Variants in EBF2 observed in about 807,000 individuals in gnomAD.
EBF2 encodes transcription factor COE2.
EBF2 carries 21 observed loss-of-function variants against 72.8 expected under a neutral mutation model. The observed-to-expected ratio is 0.29, with a 90% confidence interval of 0.20 to 0.42. EBF2 has a LOEUF of 0.42. EBF2 is among the 10% of genes least tolerant of loss of function. The pLI, the probability that EBF2 is intolerant of heterozygous loss-of-function variation, is 1.00. For synonymous variants in EBF2, 299 were observed against 274.2 expected (o/e 1.09, Z -0.89); for missense variants, 637 against 731.2 (o/e 0.87, Z 1.49).
At chr8:25,976,073 C>T (rs1205999262) in intron 6 of EBF2, among the ~76,000 whole-genome samples, 1 of 152,050 alleles carries the variant, frequency 6.6e-6, no homozygotes, top group Non-Finnish European at 1.5e-5. Context: ...AGTTTGGGGT[C>T]TTCTTTAAAA....
chr8:26,002,230 C>T (rs529011648), intron 6 of EBF2, among the ~76,000 whole-genome samples: 2 of 152,122 alleles, frequency 1.3e-5, no homozygotes, highest in South Asian at 2.1e-4. Context: ...ATGAAGTCTG[C>T]TGGTGGGGTG....
intron 7 of EBF2, among the ~76,000 whole-genome samples, chr8:25,892,782 C>T (rs1802807226): frequency 1.3e-5 from 2 of 152,186 alleles, no homozygotes; most frequent in African/African-American, 2.4e-5. Flanking sequence ...TAATATGTGA[C>T]AGGGCCCAGA....
At chr8:25,916,472 C>T (rs1803218621) in intron 6 of EBF2, among the ~76,000 whole-genome samples, 1 of 152,070 alleles carries the variant, frequency 6.6e-6, no homozygotes, top group Non-Finnish European at 1.5e-5. Context: ...ATGTATTGCC[C>T]CTTTCTCCCC....
At chr8:26,031,490 C>T in intron 6 of EBF2, 1 of 129,904 alleles carries the variant, frequency 7.7e-6, no homozygotes, top group Non-Finnish European at 1.5e-5. Context: ...GGCTGGAGTG[C>T]AGTGGCGTGA....
At chr8:26,004,988 G>A (rs1585223625) in intron 6 of EBF2, among the ~76,000 whole-genome samples, 1 of 150,950 alleles carries the variant, frequency 6.6e-6, no homozygotes, top group Non-Finnish European at 1.5e-5. Context: ...CAGTCGCATA[G>A]TGGCTAGTCT....
intron 6 of EBF2, among the ~76,000 whole-genome samples, chr8:26,013,517 C>G (rs895953761): frequency 6.6e-6 from 1 of 152,174 alleles, no homozygotes; most frequent in African/African-American, 2.4e-5. Flanking sequence ...CTCCATCCTG[C>G]AAAACTCTCT....
At chr8:25,968,461 A>G (rs1024857797) in intron 6 of EBF2, among the ~76,000 whole-genome samples, 1 of 152,242 alleles carries the variant, frequency 6.6e-6, no homozygotes, top group Non-Finnish European at 1.5e-5. Context: ...TCCCACTCAC[A>G]TGAGGTTCAT....
chr8:25,891,883 T>C (rs1419393768), intron 7 of EBF2, among the ~76,000 whole-genome samples: 1 of 152,172 alleles, frequency 6.6e-6, no homozygotes, highest in Non-Finnish European at 1.5e-5. Context: ...CAGCCCTACC[T>C]TACCTCTGAA....
At chr8:25,945,784 C>G (rs957314104) in intron 6 of EBF2, among the ~76,000 whole-genome samples, 6 of 151,840 alleles carry the variant, frequency 4.0e-5, no homozygotes, top group Admixed American at 2.6e-4. Flanking sequence ...TTTACTGCTG[C>G]TGGAGGGTGG....
chr8:26,037,610 T>C (rs1259677919), intron 5 of EBF2, among the ~76,000 whole-genome samples: 2 of 152,004 alleles, frequency 1.3e-5, no homozygotes, highest in Non-Finnish European at 2.9e-5. Context: ...AGCTGTGGGG[T>C]TTGCTCAAGC....
chr8:25,970,220 T>A (rs969595470), intron 6 of EBF2, among the ~76,000 whole-genome samples: 9 of 152,152 alleles, frequency 5.9e-5, no homozygotes, highest in Admixed American at 5.2e-4. Context: ...TGAACCAGGA[T>A]GCTGCTCCAG....
intron 6 of EBF2, among the ~76,000 whole-genome samples, chr8:26,004,733 G>A (rs1313470768): frequency 2.8e-5 from 4 of 142,214 alleles, no homozygotes; most frequent in African/African-American, 1.1e-4. Flanking sequence ...CTTTCATAAT[G>A]CTGTCTATAA....
At chr8:25,925,440 G>A (rs565252151) in intron 6 of EBF2, among the ~76,000 whole-genome samples, 1 of 152,068 alleles carries the variant, frequency 6.6e-6, no homozygotes, top group South Asian at 2.1e-4. Context: ...ACAGCAAGGT[G>A]TGAACAGAGC....
chr8:25,881,718 C>T (rs1300614055), intron 10 of EBF2, among the ~76,000 whole-genome samples: 1 of 152,186 alleles, frequency 6.6e-6, no homozygotes, highest in African/African-American at 2.4e-5. Context: ...TTCCCAAGAC[C>T]ACCCTGGCCT....
intron 7 of EBF2, among the ~76,000 whole-genome samples, chr8:25,907,292 C>T (rs935471426): frequency 6.6e-5 from 10 of 151,066 alleles, no homozygotes; most frequent in Admixed American, 6.6e-4. Context: ...TGATGGTGCA[C>T]ACCTGTAGTC....
chr8:25,978,395 C>G (rs1021767722), intron 6 of EBF2, among the ~76,000 whole-genome samples: 2 of 152,178 alleles, frequency 1.3e-5, no homozygotes, highest in Non-Finnish European at 2.9e-5. Flanking sequence ...AGTGCTGTTT[C>G]CCATCAAGAT....
At chr8:26,041,806 A>G (rs1805605191) in intron 2 of EBF2, among the ~76,000 whole-genome samples, 1 of 152,046 alleles carries the variant, frequency 6.6e-6, no homozygotes, top group African/African-American at 2.4e-5. Flanking sequence ...GTACTTTTTA[A>G]CTAGTCCAAG....
rs375386709 is a variant in EBF2, at chr8:26,005,561, T to TATATATAGAGAGAGAGAG, written c.551+27523_551+27524insCTCTCTCTCTCTATATAT. 2.7e-3 allele frequency among the ~76,000 whole-genome samples: 175 copies of TATATATAGAGAGAGAGAG among 63,884 alleles called. 2 individuals are homozygous for TATATATAGAGAGAGAGAG. The highest frequency in any genetic ancestry group is 3.5e-3 in the Non-Finnish European group (133 of 38,106). The allele number at this position is 63,884 out of a possible 152,430, so 41.9% of individuals were successfully genotyped here. A position where few individuals can be genotyped will look rare whatever the true frequency, so the allele number is the denominator to read the frequency against. Reference sequence around the variant, plus strand: ...TATATTTTATATATATATATATATATAGAGAGAGAGAGAGAGAGGTATTTT... The same window carrying TATATATAGAGAGAGAGAG: ...TATATTTTATATATATATATATATATATATATAGAGAGAGAGAGAGAGAGAGAGAGAGAGAGGTATTTT... On this transcript the variant is annotated intron_variant, in intron 6 of 15. Transcript: ENST00000520164.
At chr8:25,989,461 T>G (rs981085397) in intron 6 of EBF2, among the ~76,000 whole-genome samples, 1 of 152,220 alleles carries the variant, frequency 6.6e-6, no homozygotes, top group African/African-American at 2.4e-5. Context: ...AAAAAAGACA[T>G]GATTTATAAA....
Sources: allele counts gnomAD v4.1 joint callset (sites outside exome capture counted in the v4.1 genomes callset), GRCh38; gene constraint gnomAD v4.1.1; transcripts MANE v1.5; gene names NCBI Gene and HGNC (gene_info 2026-07-23, HGNC 2026-07-21).